The following ST8SIA4 variants were observed in gnomAD, a reference collection of about 807,000 sequenced individuals.
ST8SIA4 encodes CMP-N-acetylneuraminate-poly-alpha-2,8-sialyltransferase.
Under a neutral mutation model 33.9 loss-of-function variants are expected in ST8SIA4, and 15 were observed. The observed-to-expected ratio is 0.44, with a 90% CI of 0.30 to 0.68. The LOEUF (loss-of-function observed/expected upper bound fraction) is 0.68, where lower values mean the gene tolerates loss of function less well. Among genes scored for constraint, ST8SIA4 ranks in the 30% least tolerant of loss-of-function variants. ST8SIA4 has a pLI of 0.10. For synonymous variants in ST8SIA4, 171 were observed against 151.2 expected, an observed-to-expected ratio of 1.13 and a Z score of -0.96; for missense variants, 321 against 428.0, an observed-to-expected ratio of 0.75 and a Z score of 2.21.
At chr5:100,813,685 C>T (rs573650773) in intron 4 of ST8SIA4, among the ~76,000 whole-genome samples, 2 of 151,952 alleles carry the variant, frequency 1.3e-5, no homozygotes, top group Non-Finnish European at 2.9e-5. Context: ...GCCTGAAGCT[C>T]TCTGGGCTCT....
chr5:100,834,366 A>G (rs935648537), intron 4 of ST8SIA4, among the ~76,000 whole-genome samples: 6 of 152,228 alleles, frequency 3.9e-5, no homozygotes, highest in Admixed American at 2.0e-4. Flanking sequence ...GACATTAAAA[A>G]GAAATATTTT....
chr5:100,813,579 C>T (rs2725123), intron 4 of ST8SIA4, among the ~76,000 whole-genome samples: 136,140 of 152,000 alleles, frequency 0.9, 61,841 homozygotes, highest in Middle Eastern at 0.98. Context: ...AACCATAACT[C>T]ATACACTATA....
At chr5:100,829,339 C>A (rs1267674847) in intron 4 of ST8SIA4, among the ~76,000 whole-genome samples, 1 of 152,152 alleles carries the variant, frequency 6.6e-6, no homozygotes, top group Admixed American at 6.5e-5. Flanking sequence ...TAAACTCAAA[C>A]CTTTTTCAAA....
At chr5:100,824,038 T>C (rs1015432782) in intron 4 of ST8SIA4, among the ~76,000 whole-genome samples, 3 of 152,216 alleles carry the variant, frequency 2.0e-5, no homozygotes, top group Non-Finnish European at 4.4e-5. Flanking sequence ...TTGTTGTTGT[T>C]ATTGTTCAAG....
intron 4 of ST8SIA4, among the ~76,000 whole-genome samples, chr5:100,829,895 G>A (rs1353349966): frequency 2.8e-5 from 4 of 141,764 alleles, no homozygotes; most frequent in East Asian, 2.0e-4. Context: ...GCGACAGAGC[G>A]AGACTCCGTC....
At chr5:100,832,661 A>C (rs1390642697) in intron 4 of ST8SIA4, among the ~76,000 whole-genome samples, 1 of 152,004 alleles carries the variant, frequency 6.6e-6, no homozygotes, top group Non-Finnish European at 1.5e-5. Context: ...TCTGCCTTAG[A>C]TCACCATTAA....
At chr5:100,877,110 CCT>C (rs1752322823) in intron 3 of ST8SIA4, among the ~76,000 whole-genome samples, 1 of 151,718 alleles carries the variant, frequency 6.6e-6, no homozygotes, top group Non-Finnish European at 1.5e-5. Context: ...TTTATCTCTC[CCT>C]CTCTCTCTCA....
At chr5:100,902,744 A>AAC in intron 1 of ST8SIA4, 99 bp downstream of exon 1, 1 of 1,055,000 alleles carries the variant, frequency 9.5e-7, no homozygotes, top group Non-Finnish European at 1.5e-6. Flanking sequence ...AGCTCAAACA[A>AAC]ACACACATGC....
At chr5:100,840,638 A>G (rs535883891) in intron 4 of ST8SIA4, among the ~76,000 whole-genome samples, 1 of 151,868 alleles carries the variant, frequency 6.6e-6, no homozygotes, top group Admixed American at 6.6e-5. Flanking sequence ...TTAACACACA[A>G]GTTACTGTAG....
intron 4 of ST8SIA4, among the ~76,000 whole-genome samples, chr5:100,835,578 C>T (rs1751349042): frequency 6.6e-6 from 1 of 152,100 alleles, no homozygotes; most frequent in Non-Finnish European, 1.5e-5. Flanking sequence ...CCAAATTTTT[C>T]ATCTGAGATT....
intron 3 of ST8SIA4, among the ~76,000 whole-genome samples, chr5:100,858,214 A>C (rs755961076): frequency 2.6e-5 from 4 of 152,040 alleles, no homozygotes; most frequent in Admixed American, 6.6e-5. Flanking sequence ...TACTATGGGG[A>C]AAAGTATATT....
At chr5:100,847,951 A>G (rs550397506) in intron 4 of ST8SIA4, among the ~76,000 whole-genome samples, 34 of 152,140 alleles carry the variant, frequency 2.2e-4, no homozygotes, top group Non-Finnish European at 4.3e-4. Context: ...AATTTTATTT[A>G]ATAAAAATAA....
intron 4 of ST8SIA4, among the ~76,000 whole-genome samples, chr5:100,813,335 G>T (rs187531688): frequency 7.9e-5 from 12 of 151,916 alleles, no homozygotes; most frequent in African/African-American, 2.9e-4. Flanking sequence ...TCTATATTTT[G>T]TCTTTCATTT....
At chr5:100,843,744 G>A (rs1331898203) in intron 4 of ST8SIA4, among the ~76,000 whole-genome samples, 1 of 151,918 alleles carries the variant, frequency 6.6e-6, no homozygotes, top group Non-Finnish European at 1.5e-5. Context: ...CATGAGGAAT[G>A]GAAGTCAGCC....
chr5:100,812,907 A>T (rs998217014), intron 4 of ST8SIA4, among the ~76,000 whole-genome samples: 2 of 152,138 alleles, frequency 1.3e-5, no homozygotes, highest in Non-Finnish European at 2.9e-5. Context: ...TTCTTGGCAT[A>T]TTCATTTCCT....
At chr5:100,851,623 G>C (rs1751699955) in intron 4 of ST8SIA4, among the ~76,000 whole-genome samples, 1 of 151,858 alleles carries the variant, frequency 6.6e-6, no homozygotes, top group Non-Finnish European at 1.5e-5. Flanking sequence ...AACATATTTA[G>C]GTTTGTGCAT....
intron 2 of ST8SIA4, among the ~76,000 whole-genome samples, chr5:100,891,568 C>A (rs1580485994): frequency 6.6e-6 from 1 of 151,848 alleles, no homozygotes; most frequent in African/African-American, 2.4e-5. Context: ...AATGAAAAGG[C>A]AAAATTGTCC....
chr5:100,847,766 G>A lies in ST8SIA4; in HGVS notation c.797+8337C>T, dbSNP rs897912721. Among the ~76,000 whole-genome samples, 7 of 152,096 alleles carry A rather than the reference G, an allele frequency of 4.6e-5. No individual in the cohort carries two copies. The East Asian group carries it at 5.8e-4, about 13-fold the overall frequency. ...TAGCTAGATATGTCACTTGATATCCGTAAGACGTAATTTTTCCCTCTTACA... is the reference window on the plus strand; with the variant it reads ...TAGCTAGATATGTCACTTGATATCCATAAGACGTAATTTTTCCCTCTTACA... On this transcript the variant is annotated intron_variant, in intron 4 of 4. Coordinates refer to ENST00000231461, the MANE Select transcript of ST8SIA4 (RefSeq NM_005668.6).
intron 3 of ST8SIA4, among the ~76,000 whole-genome samples, chr5:100,866,016 A>T (rs1037065400): frequency 2.0e-5 from 3 of 152,194 alleles, no homozygotes; most frequent in Non-Finnish European, 4.4e-5. Flanking sequence ...AGAAAGCATA[A>T]GCTTGCCCCT....
Sources: gnomAD v4.1 joint callset for allele counts (sites outside exome capture counted in the v4.1 genomes callset) on GRCh38, gnomAD v4.1.1 for gene constraint, MANE v1.5 for transcripts, NCBI Gene and HGNC (gene_info 2026-07-23, HGNC 2026-07-21) for gene names.